Variants in C1orf159 observed in about 807,000 individuals in gnomAD.
The protein encoded by C1orf159 is uncharacterized protein C1orf159.
C1orf159 carries 19 observed loss-of-function variants against 25.6 expected under a neutral mutation model. That is an observed-to-expected ratio of 0.74 (90% CI 0.52 to 1.09). The LOEUF (loss-of-function observed/expected upper bound fraction) is 1.09. Among genes scored for constraint, C1orf159 ranks in the 50% least tolerant of loss-of-function variants. The pLI is 0.00. For synonymous variants in C1orf159, 139 were observed against 124.7 expected (o/e 1.12, Z -0.77); for missense variants, 274 against 290.6 (o/e 0.94, Z 0.42).
chr1:1,088,100 CCACA>C (rs1489268803), intron 4 of C1orf159, among the ~76,000 whole-genome samples: 1 of 151,340 alleles, frequency 6.6e-6, no homozygotes, highest in East Asian at 2.0e-4. Flanking sequence ...AGCCTTCACC[CCACA>C]GACTCCCCAA....
In C1orf159 at chr1:1,083,756, C is replaced by T. The variant is rs892535629; in HGVS notation, c.502+597G>A. 15 of 670,596 alleles carry T rather than the reference C, an allele frequency of 2.2e-5. 1 individual carries two copies. The highest frequency in any genetic ancestry group is 9.6e-5 in the South Asian group (5 of 52,344). The allele number at this position is 670,596 out of a possible 1,614,324, so 41.5% of individuals were successfully genotyped here. A position where few individuals can be genotyped will look rare whatever the true frequency, so the allele number is the denominator to read the frequency against. On this transcript the variant is annotated intron_variant, in intron 9 of 9. Coordinates refer to ENST00000421241, the MANE Select transcript of C1orf159 (RefSeq NM_017891.5). ...GGGCACGTCCAGCCTTGATGGAGAACGGTCTGTCCCCTAAAGGCACGGTCA... is the reference window on the plus strand; with the variant it reads ...GGGCACGTCCAGCCTTGATGGAGAATGGTCTGTCCCCTAAAGGCACGGTCA...
intron 1 of C1orf159, among the ~76,000 whole-genome samples, chr1:1,093,217 C>T (rs573178927): frequency 2.6e-5 from 4 of 152,152 alleles, no homozygotes; most frequent in Non-Finnish European, 5.9e-5. Context: ...TTCCCCTGCT[C>T]AGTGGAAAAC....
At chr1:1,098,541 C>T (rs1250557075) in intron 1 of C1orf159, among the ~76,000 whole-genome samples, 1 of 152,184 alleles carries the variant, frequency 6.6e-6, no homozygotes. Flanking sequence ...TTTTAAAATT[C>T]GTTGGAACTT....
intron 1 of C1orf159, among the ~76,000 whole-genome samples, chr1:1,102,614 TAAAAAAA>T (rs1170365187): frequency 0.025 from 861 of 34,194 alleles, 32 homozygotes; most frequent in East Asian, 0.081. Flanking sequence ...CTGTCTCTAC[TAAAAAAA>T]AAAAAAAAAA....
At chr1:1,098,864 GGGCTCCCAAA>G (rs1557429572) in intron 1 of C1orf159, among the ~76,000 whole-genome samples, 4 of 152,098 alleles carry the variant, frequency 2.6e-5, no homozygotes, top group Non-Finnish European at 5.9e-5. Flanking sequence ...CACCCGACTC[GGGCTCCCAAA>G]GTGCCTGGAT....
At chr1:1,090,604 G>T in intron 3 of C1orf159, 176 bp from the exon 4 acceptor site, 1 of 718,358 alleles carries the variant, frequency 1.4e-6, no homozygotes, top group Non-Finnish European at 2.4e-6. Flanking sequence ...GCAAGGAGGG[G>T]CCTCACAGCC....
intron 1 of C1orf159, among the ~76,000 whole-genome samples, chr1:1,102,994 A>G (rs942271150): frequency 7.9e-5 from 12 of 151,576 alleles, no homozygotes; most frequent in Admixed American, 1.3e-4. Flanking sequence ...AAGCCCTGCT[A>G]AATTTTTGTT....
chr1:1,088,556 G>A (rs559285330), intron 4 of C1orf159, among the ~76,000 whole-genome samples: 380 of 150,900 alleles, frequency 2.5e-3, no homozygotes, highest in Non-Finnish European at 4.3e-3. Context: ...TCATCCCCCC[G>A]CCAGGCCGAC....
intron 1 of C1orf159, among the ~76,000 whole-genome samples, chr1:1,112,052 C>T (rs894958866): frequency 1.3e-5 from 2 of 152,218 alleles, no homozygotes; most frequent in African/African-American, 4.8e-5. Flanking sequence ...CCGTAGGTGG[C>T]TCAGCAGACG....
intron 1 of C1orf159, among the ~76,000 whole-genome samples, chr1:1,108,363 T>C (rs12751333): frequency 0.05 from 3,326 of 66,090 alleles, 241 homozygotes; most frequent in South Asian, 0.098. Flanking sequence ...GTCTTGGCAC[T>C]GTTCACCACA....
At chr1:1,103,345 G>A (rs999587973) in intron 1 of C1orf159, among the ~76,000 whole-genome samples, 1 of 152,052 alleles carries the variant, frequency 6.6e-6, no homozygotes, top group African/African-American at 2.4e-5. Context: ...CTTTCCCTTC[G>A]AGAATGGCTC....
intron 4 of C1orf159, among the ~76,000 whole-genome samples, 193 bp downstream of exon 4, chr1:1,090,160 G>A (rs990048706): frequency 6.6e-6 from 1 of 152,164 alleles, no homozygotes. Flanking sequence ...TGAGGCTGCC[G>A]CTCAAGGCCG....
At position 1,110,257 on chromosome 1, in the gene C1orf159, C is replaced by T. The variant is rs939376470; in HGVS notation, c.-136+5803G>A. ...GTCCAACCTCCCATCCTTTTATGGCCGGAAACTCAATTTTTAAGGTTTCTC... is the reference window on the plus strand; with the variant it reads ...GTCCAACCTCCCATCCTTTTATGGCTGGAAACTCAATTTTTAAGGTTTCTC... On this transcript the variant is annotated intron_variant, in intron 1 of 9. Coordinates refer to ENST00000421241, the MANE Select transcript of C1orf159 (RefSeq NM_017891.5). The surrounding 1 kb of genome is among the most constrained non-coding windows in gnomAD (Gnocchi z 4.8). 7.2e-5 allele frequency among the ~76,000 whole-genome samples: 11 copies of T among 152,080 alleles called. No individual in the cohort carries two copies. Among genetic ancestry groups the T allele is most frequent in the Admixed American group, 1.3e-4 (2 of 15,268 alleles).
chr1:1,093,173 T>C (rs1025428789), intron 1 of C1orf159, among the ~76,000 whole-genome samples: 12 of 152,218 alleles, frequency 7.9e-5, no homozygotes, highest in African/African-American at 2.9e-4. Flanking sequence ...GTTTGTCCTT[T>C]TGTCCCTTTA....
In C1orf159 at chr1:1,091,564, G is replaced by A; in HGVS notation, c.-21C>T. ...GCCATGCCAGGAGCAGATGCGCAGAGCCTGCCACAGGGAGGAGCATGCGGA... is the reference window on the plus strand; with the variant it reads ...GCCATGCCAGGAGCAGATGCGCAGAACCTGCCACAGGGAGGAGCATGCGGA... On this transcript the variant is annotated splice_region_variant and 5_prime_UTR_variant, in exon 3 of 10. Transcript: ENST00000421241. The A allele has an allele frequency of 6.5e-7, 1 of 1,547,146 alleles. No individual in the cohort carries two copies. The highest frequency in any genetic ancestry group is 1.2e-5 in the South Asian group (1 of 83,924).
At chr1:1,115,243 A>C (rs2100784614) in intron 1 of C1orf159, among the ~76,000 whole-genome samples, 1 of 151,240 alleles carries the variant, frequency 6.6e-6, no homozygotes, top group Middle Eastern at 3.4e-3. Context: ...AATTACACCC[A>C]AACTCAATCA....
At chr1:1,091,653 A>T in intron 2 of C1orf159, 88 bp from the exon 3 acceptor site, 2 of 687,286 alleles carry the variant, frequency 2.9e-6, no homozygotes, top group Non-Finnish European at 4.5e-6. Flanking sequence ...GGGTCAAGAG[A>T]TGTTGGGGGG....
At chr1:1,084,229 G>T in intron 9 of C1orf159, 124 bp downstream of exon 9, 1 of 1,520,158 alleles carries the variant, frequency 6.6e-7, no homozygotes. Flanking sequence ...GTCTCCTGGG[G>T]ACCCGGGCAG....
intron 1 of C1orf159, chr1:1,106,505 G>A (rs976962106): frequency 3.3e-5 from 5 of 152,180 alleles, no homozygotes; most frequent in Admixed American, 6.5e-5. Context: ...CTATGACCCC[G>A]CAACTTTACT....
Sources: gnomAD v4.1 joint callset for allele counts (sites outside exome capture counted in the v4.1 genomes callset) on GRCh38, gnomAD v4.1.1 for gene constraint, Gnocchi (gnomAD v3.1) non-coding constraint, MANE v1.5 for transcripts, NCBI Gene and HGNC (gene_info 2026-07-23, HGNC 2026-07-21) for gene names.